TNR: variants seen among roughly 807,000 people sequenced by gnomAD.
The protein encoded by TNR is tenascin R.
In TNR, 45 loss-of-function variants were observed where a neutral mutation model predicts 150.4. That is an observed-to-expected ratio of 0.30 (90% confidence interval 0.24 to 0.38). The LOEUF (loss-of-function observed/expected upper bound fraction) is 0.38, where lower values mean the gene tolerates loss of function less well. Ranked by LOEUF, TNR falls within the 10% of genes least tolerant of loss-of-function variation. TNR has a pLI of 1.00. For missense variants in TNR, 1,544 were observed against 1,759.1 expected, an observed-to-expected ratio of 0.88 and a Z score of 2.19; for synonymous variants, 687 against 678.4, an observed-to-expected ratio of 1.01 and a Z score of -0.20.
intron 2 of TNR, among the ~76,000 whole-genome samples, chr1:175,446,458 A>C (rs1656049282): frequency 6.6e-6 from 1 of 152,322 alleles, no homozygotes; most frequent in East Asian, 1.9e-4. Flanking sequence ...GTTATGGGTG[A>C]CATAGTCTAA....
At chr1:175,394,636 C>T (rs565095928) in intron 5 of TNR, among the ~76,000 whole-genome samples, 1 of 152,290 alleles carries the variant, frequency 6.6e-6, no homozygotes, top group South Asian at 2.1e-4. Context: ...CATGACTTTT[C>T]TCAGTTCTCC....
chr1:175,659,195 C>T (rs1308249797), intron 1 of TNR, among the ~76,000 whole-genome samples: 2 of 152,138 alleles, frequency 1.3e-5, no homozygotes, highest in Non-Finnish European at 2.9e-5. Context: ...GTAAGTGAGG[C>T]TAAAAGAATC....
At chr1:175,595,684 A>G (rs1662979991) in intron 1 of TNR, among the ~76,000 whole-genome samples, 1 of 152,210 alleles carries the variant, frequency 6.6e-6, no homozygotes, top group Admixed American at 6.5e-5. Flanking sequence ...TGGACCAAAG[A>G]GAATTAGGCA....
At chr1:175,328,656 C>G in intron 21 of TNR, among the ~76,000 whole-genome samples, 1 of 152,186 alleles carries the variant, frequency 6.6e-6, no homozygotes, top group South Asian at 2.1e-4. Flanking sequence ...GATGAACAGC[C>G]AAACTGTTGG....
intron 1 of TNR, among the ~76,000 whole-genome samples, chr1:175,694,238 C>T (rs960686374): frequency 6.6e-6 from 1 of 152,164 alleles, no homozygotes; most frequent in African/African-American, 2.4e-5. Flanking sequence ...TTCAACACTC[C>T]ACAATCAGAA....
intron 1 of TNR, among the ~76,000 whole-genome samples, chr1:175,632,189 C>T (rs1664348367): frequency 1.3e-5 from 2 of 152,180 alleles, no homozygotes; most frequent in Non-Finnish European, 2.9e-5. Flanking sequence ...CACAGGGTTG[C>T]TGCACCTGGT....
At chr1:175,474,782 G>A (rs1657473016) in intron 2 of TNR, among the ~76,000 whole-genome samples, 1 of 152,162 alleles carries the variant, frequency 6.6e-6, no homozygotes, top group African/African-American at 2.4e-5. Context: ...TAAAATGTTT[G>A]CATAGGTAGG....
intron 1 of TNR, among the ~76,000 whole-genome samples, chr1:175,725,756 G>A (rs1351641804): frequency 6.6e-6 from 1 of 152,172 alleles, no homozygotes; most frequent in South Asian, 2.1e-4. Context: ...ATATTAAGGA[G>A]GTAAAGTCAA....
chr1:175,413,006 G>T (rs772917810), intron 2 of TNR, among the ~76,000 whole-genome samples: 2 of 152,052 alleles, frequency 1.3e-5, no homozygotes, highest in Non-Finnish European at 2.9e-5. Context: ...TGACTGTTCT[G>T]CAGGTGGCCT....
At position 175,396,637 on chromosome 1, in the gene TNR, T is replaced by C; in HGVS notation, c.1147A>G (p.Thr383Ala). Residue 383 changes from threonine to alanine, a missense_variant, in exon 5 of 23, where the codon ACG becomes GCG. This residue lies in a region of TNR where 1,254 missense variants were observed against 1,329.4 expected (regional missense o/e 0.94). Transcript: ENST00000367674. ...TAGGTGAGACCTGGCTCCAGCTCCGTGATGGTGACACCACTCCAATCTCCA... is the reference window on the plus strand; with the variant it reads ...TAGGTGAGACCTGGCTCCAGCTCCGCGATGGTGACACCACTCCAATCTCCA... ...VPGDWSGVTI[T>A]ELEPGLTYNI... 2 of 1,614,204 alleles carry C rather than the reference T, an allele frequency of 1.2e-6. No individual in the cohort carries two copies. Among genetic ancestry groups the C allele is most frequent in the Admixed American group, 3.3e-5 (2 of 60,024 alleles).
chr1:175,465,145 T>A (rs1301573872), intron 2 of TNR, among the ~76,000 whole-genome samples: 1 of 152,230 alleles, frequency 6.6e-6, no homozygotes, highest in African/African-American at 2.4e-5. Context: ...AGAAGTCTGA[T>A]AACACACAGC....
At chr1:175,384,382 C>T (rs530517458) in intron 8 of TNR, among the ~76,000 whole-genome samples, 13 of 152,334 alleles carry the variant, frequency 8.5e-5, no homozygotes, top group South Asian at 2.1e-4. Flanking sequence ...GATGCACATT[C>T]GGTCACTCCG....
intron 1 of TNR, among the ~76,000 whole-genome samples, chr1:175,721,428 C>T (rs1255847041): frequency 6.6e-6 from 1 of 152,160 alleles, no homozygotes. Context: ...GTGCTATGCT[C>T]TTAGTGGGGC....
At chr1:175,474,068 G>A (rs1214464107) in intron 2 of TNR, among the ~76,000 whole-genome samples, 2 of 152,058 alleles carry the variant, frequency 1.3e-5, no homozygotes, top group Non-Finnish European at 2.9e-5. Context: ...GATATATTTC[G>A]ATTTAATACA....
intron 8 of TNR, among the ~76,000 whole-genome samples, 168 bp from the exon 9 acceptor site, chr1:175,379,905 A>G (rs1652593972): frequency 6.6e-6 from 1 of 152,222 alleles, no homozygotes; most frequent in South Asian, 2.1e-4. Context: ...CTGCTGTGAC[A>G]AATTCCTTGG....
Position 175,686,055 on chromosome 1 carries a change from G to A in TNR, c.-165+57171C>T, listed in dbSNP as rs530429417. Among the ~76,000 whole-genome samples, 10 of 149,378 alleles carry A rather than the reference G, an allele frequency of 6.7e-5. No homozygotes were observed. The South Asian group carries it at 1.5e-3, about 22-fold the overall frequency. On this transcript the variant is annotated intron_variant, in intron 1 of 22. Transcript: ENST00000367674. Reference sequence around the variant, plus strand: ...CTCAATTTTGATTGCACGCACACACGCACACACACACACACAGAGTGTTTT... The same window carrying A: ...CTCAATTTTGATTGCACGCACACACACACACACACACACACAGAGTGTTTT...
At chr1:175,508,653 G>A (rs961297018) in intron 2 of TNR, among the ~76,000 whole-genome samples, 1 of 152,172 alleles carries the variant, frequency 6.6e-6, no homozygotes, top group Non-Finnish European at 1.5e-5. Flanking sequence ...AGGACCCATG[G>A]GTGTGCGTGG....
chr1:175,436,658 T>C (rs1655525100), intron 2 of TNR, among the ~76,000 whole-genome samples: 1 of 152,072 alleles, frequency 6.6e-6, no homozygotes, highest in African/African-American at 2.4e-5. Context: ...GAGACACACA[T>C]AGGCTCAAAT....
chr1:175,541,746 T>C (rs1310789552), intron 1 of TNR, among the ~76,000 whole-genome samples: 2 of 152,174 alleles, frequency 1.3e-5, no homozygotes, highest in African/African-American at 4.8e-5. Flanking sequence ...GAGAAAAGCA[T>C]GTATTTGAGT....
Sources: allele counts gnomAD v4.1 joint callset (sites outside exome capture counted in the v4.1 genomes callset), GRCh38; gene constraint gnomAD v4.1.1; regional missense constraint gnomAD v4.1.1; transcripts MANE v1.5; gene names NCBI Gene and HGNC (gene_info 2026-07-23, HGNC 2026-07-21).